The following PALM2AKAP2 variants were observed in gnomAD, a reference collection of about 807,000 sequenced individuals.
The protein encoded by PALM2AKAP2 is PALM2 and AKAP2 fusion.
A neutral mutation model predicts 71.5 loss-of-function variants in PALM2AKAP2; 37 were observed. The observed-to-expected ratio is 0.52, with a 90% confidence interval of 0.40 to 0.68. The LOEUF is 0.68. Ranked by LOEUF, PALM2AKAP2 falls within the 30% of genes least tolerant of loss-of-function variation. The probability of loss-of-function intolerance (pLI) is 0.00; values close to 1 mark genes in which losing one functional copy is unlikely to be tolerated. For missense variants in PALM2AKAP2, 1,224 were observed against 1,191.8 expected, an observed-to-expected ratio of 1.03 and a Z score of -0.40; for synonymous variants, 468 against 478.8, an observed-to-expected ratio of 0.98 and a Z score of 0.29.
rs757092195 is a variant in PALM2AKAP2 at position 109,931,968 on chromosome 9, A to G, written c.436A>G (p.Ile146Val). The change falls in exon 6 of 10, where the codon ATC becomes GTC. Residue 146 changes from isoleucine (I) to valine (V), a missense_variant. Ile to Val is a conservative substitution (Grantham distance 29). Transcript: ENST00000302798. ...TTCCTCCCAGCTTCCCGACCTGCCA[A>G]TCCTCTGTTCACGAACAGCAGAACC... 27 of 1,614,000 alleles carry G rather than the reference A, an allele frequency of 1.7e-5. No homozygotes were observed. The highest frequency in any genetic ancestry group is 3.3e-5 in the South Asian group (3 of 91,074).
chr9:109,795,346 C>T (rs1238128572), intron 1 of PALM2AKAP2, among the ~76,000 whole-genome samples: 3 of 152,182 alleles, frequency 2.0e-5, no homozygotes, highest in Non-Finnish European at 4.4e-5. Context: ...CCCTTTAAGT[C>T]TTCACTCTCA....
chr9:110,041,713 G>A (rs1833514742), intron 7 of PALM2AKAP2, among the ~76,000 whole-genome samples: 1 of 152,176 alleles, frequency 6.6e-6, no homozygotes, highest in African/African-American at 2.4e-5. Flanking sequence ...AACACAGTCT[G>A]AGAGCCAAGT....
At chr9:110,136,081 A>G in intron 1 of PALM2AKAP2, 46 bp from the exon 8 acceptor site, 2 of 1,510,998 alleles carry the variant, frequency 1.3e-6, no homozygotes, top group Non-Finnish European at 1.8e-6. Flanking sequence ...CACATCCATA[A>G]GAGATGCAGT....
At chr9:110,069,236 G>A (rs993207019) in intron 1 of PALM2AKAP2, among the ~76,000 whole-genome samples, 6 of 152,216 alleles carry the variant, frequency 3.9e-5, no homozygotes, top group African/African-American at 1.4e-4. Flanking sequence ...TACGAATTAA[G>A]TTCAGTAACA....
chr9:110,117,973 TTGTGTGTGTGTGTG>T (rs1171400897), intron 1 of PALM2AKAP2, among the ~76,000 whole-genome samples: 3 of 138,500 alleles, frequency 2.2e-5, no homozygotes, highest in Non-Finnish European at 4.7e-5. Context: ...ATATGTCGTT[TTGTGTGTGTGTGTG>T]TGTGTGTGTG....
intron 1 of PALM2AKAP2, among the ~76,000 whole-genome samples, chr9:109,752,852 C>T (rs1475444039): frequency 5.3e-5 from 8 of 152,154 alleles, no homozygotes; most frequent in East Asian, 1.9e-4. Flanking sequence ...CTTGTTCATC[C>T]AGTTGAGAAA....
chr9:110,006,746 A>T (rs1044381244), intron 6 of PALM2AKAP2, among the ~76,000 whole-genome samples: 1 of 152,166 alleles, frequency 6.6e-6, no homozygotes, highest in African/African-American at 2.4e-5. Flanking sequence ...TCTGCCTGCC[A>T]TTCCAATCTA....
chr9:110,005,618 C>A (rs1425998253), intron 6 of PALM2AKAP2, among the ~76,000 whole-genome samples: 3 of 152,186 alleles, frequency 2.0e-5, no homozygotes, highest in Non-Finnish European at 4.4e-5. Flanking sequence ...TGCCCTGCCC[C>A]CAGAGGTGGA....
chr9:110,128,454 C>G (rs1004060606), intron 1 of PALM2AKAP2, among the ~76,000 whole-genome samples: 3 of 152,364 alleles, frequency 2.0e-5, no homozygotes, highest in African/African-American at 7.2e-5. Context: ...AGCCATGCCT[C>G]TGTTCCTAGG....
intron 1 of PALM2AKAP2, among the ~76,000 whole-genome samples, chr9:110,118,499 C>A (rs546455365): frequency 6.6e-6 from 1 of 152,240 alleles, no homozygotes; most frequent in South Asian, 2.1e-4. Flanking sequence ...CTGCTCGCCT[C>A]GGCCTCCCAA....
chr9:109,745,937 T>A (rs937089939), intron 1 of PALM2AKAP2, among the ~76,000 whole-genome samples: 3 of 152,194 alleles, frequency 2.0e-5, no homozygotes, highest in African/African-American at 7.2e-5. Flanking sequence ...TAAAAAGGTA[T>A]AATATGTATT....
intron 6 of PALM2AKAP2, among the ~76,000 whole-genome samples, chr9:109,937,189 A>AATGGGAGCT (rs1255899270): frequency 1.3e-5 from 2 of 152,012 alleles, no homozygotes; most frequent in Non-Finnish European, 2.9e-5. Flanking sequence ...TGCTCCTCAG[A>AATGGGAGCT]CCCATCTCTC....
chr9:109,714,179 G>T (rs1828283729), intron 1 of PALM2AKAP2, among the ~76,000 whole-genome samples: 2 of 152,212 alleles, frequency 1.3e-5, no homozygotes, highest in Admixed American at 1.3e-4. Context: ...GAAGAGTACT[G>T]CTATCTAGTT....
At chr9:110,161,018 C>T (rs1353682039) in intron 3 of PALM2AKAP2, among the ~76,000 whole-genome samples, 1 of 152,148 alleles carries the variant, frequency 6.6e-6, no homozygotes, top group Non-Finnish European at 1.5e-5. Flanking sequence ...TACTCTCGCT[C>T]AGTGTGTGAA....
At chr9:109,694,906 C>A (rs555226867) in intron 1 of PALM2AKAP2, among the ~76,000 whole-genome samples, 2 of 152,108 alleles carry the variant, frequency 1.3e-5, no homozygotes, top group East Asian at 1.9e-4. Context: ...CCAAAGACAC[C>A]ATTTCATTTT....
chr9:109,747,878 C>T (rs916452759), intron 1 of PALM2AKAP2, among the ~76,000 whole-genome samples: 2 of 152,062 alleles, frequency 1.3e-5, no homozygotes, highest in African/African-American at 4.8e-5. Context: ...GGCATGTTGC[C>T]CAGGCTGGTC....
chr9:109,787,442 C>T (rs1827000564), intron 1 of PALM2AKAP2, among the ~76,000 whole-genome samples: 2 of 152,106 alleles, frequency 1.3e-5, no homozygotes, highest in South Asian at 2.1e-4. Flanking sequence ...TAGATAAATA[C>T]TAGGAAATCA....
At chr9:109,673,293 C>T (rs572828175) in intron 1 of PALM2AKAP2, among the ~76,000 whole-genome samples, 1 of 152,218 alleles carries the variant, frequency 6.6e-6, no homozygotes, top group South Asian at 2.1e-4. Context: ...CCCAGAGATT[C>T]TGGCATGTTG....
intron 7 of PALM2AKAP2, among the ~76,000 whole-genome samples, chr9:110,035,724 G>T (rs1014416251): frequency 2.1e-5 from 2 of 96,514 alleles, no homozygotes; most frequent in African/African-American, 3.8e-5. Flanking sequence ...AACATATATA[G>T]GATATGTTGT....
Sources: gnomAD v4.1 joint callset for allele counts (sites outside exome capture counted in the v4.1 genomes callset) on GRCh38, gnomAD v4.1.1 for gene constraint, MANE v1.5 for transcripts, NCBI Gene and HGNC (gene_info 2026-07-23, HGNC 2026-07-21) for gene names.